STPG2: variants seen among roughly 807,000 people sequenced by gnomAD.
STPG2 encodes sperm-tail PG-rich repeat-containing protein 2.
Under a neutral mutation model 54.2 loss-of-function variants are expected in STPG2, and 56 were observed. The observed-to-expected ratio is 1.03, with a 90% confidence interval of 0.83 to 1.29. STPG2 has a LOEUF of 1.29. Among genes scored for constraint, STPG2 ranks in the 50% most tolerant of loss-of-function variants. The pLI is 0.00. For synonymous variants in STPG2, 200 were observed against 181.8 expected (o/e 1.10, Z -0.81); for missense variants, 596 against 544.9 (o/e 1.09, Z -0.93).
At position 97,506,629 on chromosome 4, in the gene STPG2, A is replaced by G. The variant is rs577474431; in HGVS notation, c.462+206070T>C. 4.6e-5 allele frequency among the ~76,000 whole-genome samples: 7 copies of G among 152,142 alleles called. No individual in the cohort carries two copies. In the South Asian group the frequency reaches 1.4e-3, roughly 31 times the overall value. Reference sequence around the variant, plus strand: ...TGTACATGGAGAATTAAAATGCATTACAAAAGTAATACCAATCATAAAAGG... The same window carrying G: ...TGTACATGGAGAATTAAAATGCATTGCAAAAGTAATACCAATCATAAAAGG... On this transcript the variant is annotated intron_variant, in intron 4 of 4. Transcript: ENST00000522676.
chr4:97,943,806 C>G (rs181835924), intron 8 of STPG2, 91 bp downstream of exon 8: 1 of 929,212 alleles, frequency 1.1e-6, no homozygotes, highest in East Asian at 2.8e-5. Context: ...TACCAGTTAC[C>G]TCACTCAGGT....
intron 1 of STPG2, among the ~76,000 whole-genome samples, chr4:98,141,081 CCTAT>C (rs1166324894): frequency 2.6e-5 from 4 of 151,874 alleles, no homozygotes; most frequent in African/African-American, 9.7e-5. Context: ...TGCCCAAATT[CCTAT>C]CTAAGGGGTC....
At chr4:97,795,279 G>A (rs1227812345) in intron 9 of STPG2, among the ~76,000 whole-genome samples, 2 of 152,150 alleles carry the variant, frequency 1.3e-5, no homozygotes, top group Non-Finnish European at 2.9e-5. Flanking sequence ...CATGTGCCAT[G>A]TTGGTGTGCT....
chr4:97,862,737 A>G (rs1486337240), intron 8 of STPG2, among the ~76,000 whole-genome samples: 2 of 152,164 alleles, frequency 1.3e-5, no homozygotes, highest in Non-Finnish European at 2.9e-5. Flanking sequence ...AGAAATTATA[A>G]CAAACTGTCT....
chr4:98,037,533 G>C (rs1302670940), intron 5 of STPG2, among the ~76,000 whole-genome samples: 1 of 151,898 alleles, frequency 6.6e-6, no homozygotes. Flanking sequence ...TATTTATCAG[G>C]AAGACAAAGA....
At chr4:97,795,917 T>C (rs1274200009) in intron 9 of STPG2, among the ~76,000 whole-genome samples, 3 of 152,208 alleles carry the variant, frequency 2.0e-5, no homozygotes, top group East Asian at 1.9e-4. Flanking sequence ...TGATATCTCA[T>C]TGTGGTTTTG....
intron 8 of STPG2, chr4:97,917,149 G>A (rs183172466): frequency 6.6e-6 from 1 of 152,554 alleles, no homozygotes; most frequent in South Asian, 2.1e-4. Context: ...TCCATTCCAG[G>A]TATGAAGGGA....
intron 8 of STPG2, among the ~76,000 whole-genome samples, chr4:97,892,149 GT>G (rs1469022515): frequency 1.3e-5 from 2 of 152,100 alleles, no homozygotes; most frequent in South Asian, 2.1e-4. Flanking sequence ...ATAATCATGG[GT>G]TTTAGAATCA....
intron 10 of STPG2, among the ~76,000 whole-genome samples, chr4:97,565,340 T>G (rs1404401712): frequency 6.6e-6 from 1 of 152,128 alleles, no homozygotes; most frequent in African/African-American, 2.4e-5. Context: ...TTCATCGAAA[T>G]TTTTTTCAAA....
intron 8 of STPG2, among the ~76,000 whole-genome samples, chr4:97,923,841 T>C (rs899558174): frequency 2.0e-5 from 3 of 152,170 alleles, no homozygotes; most frequent in African/African-American, 7.2e-5. Flanking sequence ...TCAGGGATTG[T>C]AAACACACCA....
At chr4:97,763,035 C>T (rs1725936778) in intron 9 of STPG2, among the ~76,000 whole-genome samples, 1 of 152,098 alleles carries the variant, frequency 6.6e-6, no homozygotes. Context: ...ACCACAAATA[C>T]AGTGGATTAA....
intron 9 of STPG2, among the ~76,000 whole-genome samples, chr4:97,759,871 A>T (rs1358657940): frequency 6.6e-6 from 1 of 152,118 alleles, no homozygotes; most frequent in Admixed American, 6.6e-5. Flanking sequence ...GAACTACTGC[A>T]AGAGCTTCCT....
intron 8 of STPG2, among the ~76,000 whole-genome samples, chr4:97,853,869 A>T (rs1449797239): frequency 6.6e-6 from 1 of 151,972 alleles, no homozygotes; most frequent in Non-Finnish European, 1.5e-5. Context: ...GCATCCTCAG[A>T]CTCCTGGGCT....
intron 10 of STPG2, among the ~76,000 whole-genome samples, chr4:97,590,876 T>G (rs949792404): frequency 2.6e-5 from 4 of 152,242 alleles, no homozygotes; most frequent in African/African-American, 9.6e-5. Context: ...GGGATGGAAA[T>G]GTAAAGCAAA....
downstream of STPG2, among the ~76,000 whole-genome samples, chr4:97,558,499 C>A (rs557398852): frequency 2.0e-5 from 3 of 152,300 alleles, no homozygotes; most frequent in East Asian, 5.8e-4. Context: ...TCTTCTTGCT[C>A]ACTTCCCCTG....
chr4:97,739,302 A>T (rs911866223), intron 9 of STPG2, among the ~76,000 whole-genome samples: 1 of 152,170 alleles, frequency 6.6e-6, no homozygotes, highest in African/African-American at 2.4e-5. Context: ...CAATTAAAAG[A>T]ACTAGAAAAG....
At chr4:97,963,689 G>C (rs1733983251) in intron 7 of STPG2, among the ~76,000 whole-genome samples, 1 of 151,114 alleles carries the variant, frequency 6.6e-6, no homozygotes. Context: ...ATATGTATTT[G>C]AAATATATAT....
chr4:97,735,245 T>TATAATAGG (rs1724941474), intron 9 of STPG2, among the ~76,000 whole-genome samples: 1 of 151,670 alleles, frequency 6.6e-6, no homozygotes. Flanking sequence ...TGTATACAGA[T>TATAATAGG]ATAATAGGTG....
chr4:97,959,813 T>C (rs541095702), intron 7 of STPG2, among the ~76,000 whole-genome samples: 7 of 152,074 alleles, frequency 4.6e-5, no homozygotes, highest in South Asian at 4.1e-4. Flanking sequence ...TTCAAAACGA[T>C]AGAGAAAGAG....
Sources: allele counts gnomAD v4.1 joint callset (sites outside exome capture counted in the v4.1 genomes callset), GRCh38; gene constraint gnomAD v4.1.1; transcripts MANE v1.5; gene names NCBI Gene and HGNC (gene_info 2026-07-23, HGNC 2026-07-21).